Variants in APLF observed in about 807,000 individuals in gnomAD.
APLF encodes the protein aprataxin and PNKP like factor.
Under a neutral mutation model 55.6 loss-of-function variants are expected in APLF, and 61 were observed. The ratio of observed to expected loss-of-function variants is 1.10; its 90% confidence interval spans 0.89 to 1.36. The LOEUF (loss-of-function observed/expected upper bound fraction) is 1.36, where lower values mean the gene tolerates loss of function less well. Among genes scored for constraint, APLF ranks in the 40% most tolerant of loss-of-function variants. The probability of loss-of-function intolerance (pLI) is 0.00; values close to 1 mark genes in which losing one functional copy is unlikely to be tolerated. For synonymous variants in APLF, 207 were observed against 214.8 expected (o/e 0.96, Z 0.32); for missense variants, 611 against 602.5 (o/e 1.01, Z -0.15).
chr2:68,488,797 A>G (rs1472391315), intron 1 of APLF, among the ~76,000 whole-genome samples: 1 of 152,124 alleles, frequency 6.6e-6, no homozygotes, highest in Non-Finnish European at 1.5e-5. Context: ...AGTTCTGTGC[A>G]AATGATGCAA....
chr2:68,484,019 G>A (rs906843889), intron 1 of APLF, among the ~76,000 whole-genome samples: 8 of 152,040 alleles, frequency 5.3e-5, no homozygotes, highest in African/African-American at 1.7e-4. Context: ...TTTATTCAGG[G>A]TTGTTTCTTT....
intron 1 of APLF, among the ~76,000 whole-genome samples, chr2:68,482,251 C>G (rs767948667): frequency 1.3e-5 from 2 of 151,892 alleles, no homozygotes; most frequent in African/African-American, 2.4e-5. Flanking sequence ...CAGGGAAAGA[C>G]CTATTCCTTT....
Position 68,579,039 on chromosome 2 carries a change from G to C in APLF, c.*1017G>C. On this transcript the variant is annotated 3_prime_UTR_variant, in exon 10 of 10. Transcript: ENST00000303795. ...TAGAATCTTTAATAACAGTTGGGTTGTGTACACAGAGCAGGAGATATTTAT... is the reference window on the plus strand; with the variant it reads ...TAGAATCTTTAATAACAGTTGGGTTCTGTACACAGAGCAGGAGATATTTAT... 1.0e-6 allele frequency: 1 copy of C among 984,864 alleles called. No homozygotes were observed. The highest frequency in any genetic ancestry group is 1.2e-6 in the Non-Finnish European group (1 of 829,490). 61.0% of individuals were successfully genotyped at this position (984,864 alleles called of 1,614,324 possible).
chr2:68,470,215 A>G (rs1352461911), intron 1 of APLF, among the ~76,000 whole-genome samples: 5 of 152,256 alleles, frequency 3.3e-5, no homozygotes, highest in Non-Finnish European at 7.3e-5. Flanking sequence ...AAAAGATTAC[A>G]TATTGTGTGA....
chr2:68,522,865 TAA>T (rs1669933834), intron 5 of APLF, among the ~76,000 whole-genome samples: 2 of 151,924 alleles, frequency 1.3e-5, no homozygotes, highest in Admixed American at 6.6e-5. Context: ...TCTATTGAAT[TAA>T]GTCTTAATAT....
chr2:68,467,917 C>T (rs1238231957), intron 1 of APLF, 90 bp downstream of exon 1: 4 of 998,508 alleles, frequency 4.0e-6, no homozygotes. Flanking sequence ...GCCGGTTTCC[C>T]CACCGCACTG....
At chr2:68,513,419 A>T (rs1669467264) in intron 4 of APLF, 129 bp from the exon 5 acceptor site, 2 of 1,287,124 alleles carry the variant, frequency 1.6e-6, no homozygotes, top group Non-Finnish European at 2.1e-6. Context: ...TTCTTTGTTC[A>T]AGAAATTTTA....
intron 5 of APLF, among the ~76,000 whole-genome samples, chr2:68,525,121 C>G (rs1001487158): frequency 3.3e-5 from 5 of 152,086 alleles, no homozygotes; most frequent in African/African-American, 1.2e-4. Flanking sequence ...TGGTGAAACT[C>G]TGTCTCTACT....
chr2:68,490,210 C>T lies in APLF; in HGVS notation c.117C>T (p.Ser39=). 5 of 1,611,104 alleles carry T rather than the reference C, an allele frequency of 3.1e-6. No individual in the cohort carries two copies. Among genetic ancestry groups the T allele is most frequent in the Non-Finnish European group, 4.2e-6 (5 of 1,179,072 alleles). ...PLLGITDKRV[S]RRHAILEVAG... is the part of the protein sequence containing the mutation. ...TATAGATAACAGACAAGAGAGTATC[C>T]AGAAGACATGCCATTCTTGAGGTGG... is the stretch of plus-strand genomic sequence containing the variant. Residue 39 remains serine (S), a synonymous_variant, in exon 2 of 10, where the codon TCC becomes TCT. Coordinates refer to ENST00000303795, the MANE Select transcript of APLF (RefSeq NM_173545.3).
chr2:68,547,512 A>G (rs1267636393), intron 8 of APLF, among the ~76,000 whole-genome samples: 1 of 151,816 alleles, frequency 6.6e-6, no homozygotes, highest in Non-Finnish European at 1.5e-5. Context: ...ATAAAGTAAC[A>G]TGACCAGAAC....
chr2:68,537,192 G>A (rs919136040), intron 6 of APLF, among the ~76,000 whole-genome samples: 3 of 151,704 alleles, frequency 2.0e-5, no homozygotes, highest in Non-Finnish European at 2.9e-5. Flanking sequence ...AAATTATAAG[G>A]ACCGTGCATG....
intron 5 of APLF, among the ~76,000 whole-genome samples, chr2:68,514,206 G>T (rs1397583554): frequency 1.3e-5 from 2 of 151,596 alleles, no homozygotes; most frequent in Non-Finnish European, 3.0e-5. Context: ...ATCATTTGGT[G>T]TATTTTTCTA....
intron 3 of APLF, 139 bp downstream of exon 3, chr2:68,503,042 G>A: frequency 1.2e-6 from 1 of 817,940 alleles, no homozygotes; most frequent in East Asian, 2.9e-5. Context: ...ACGCATGTGT[G>A]TGTGCATGCC....
intron 6 of APLF, among the ~76,000 whole-genome samples, chr2:68,533,354 A>G (rs1670310638): frequency 6.6e-6 from 1 of 152,232 alleles, no homozygotes; most frequent in African/African-American, 2.4e-5. Flanking sequence ...TTATAATCTA[A>G]TGAGAACTCT....
intron 7 of APLF, among the ~76,000 whole-genome samples, chr2:68,543,457 A>C (rs148801266): frequency 6.6e-6 from 1 of 152,316 alleles, no homozygotes; most frequent in East Asian, 1.9e-4. Flanking sequence ...TAACAGTGCT[A>C]AATGTTGGTG....
chr2:68,541,639 G>T (rs575847817), intron 7 of APLF, among the ~76,000 whole-genome samples: 1 of 152,116 alleles, frequency 6.6e-6, no homozygotes, highest in Non-Finnish European at 1.5e-5. Flanking sequence ...TTCATGGGCC[G>T]TACAGTCTTT....
At chr2:68,545,611 G>A (rs1670682916) in intron 8 of APLF, among the ~76,000 whole-genome samples, 1 of 152,108 alleles carries the variant, frequency 6.6e-6, no homozygotes, top group Admixed American at 6.6e-5. Context: ...AATTCACTCT[G>A]TATGTCCTAG....
At chr2:68,514,649 T>C (rs1669527333) in intron 5 of APLF, among the ~76,000 whole-genome samples, 1 of 151,788 alleles carries the variant, frequency 6.6e-6, no homozygotes, top group Non-Finnish European at 1.5e-5. Context: ...TGTGGCTGCC[T>C]TCCCTCCAGG....
At position 68,526,174 on chromosome 2, in the gene APLF, T is replaced by C. The variant is rs376442668; in HGVS notation, c.736T>C (p.Ser246Pro). ...LISSGSSENT[S>P]AEQDTGEECK... ...TTCATCAGGAAGTTCAGAAAATACA[T>C]CAGCAGAACAAGACACAGGAGAAGA... Residue 246 changes from serine (S) to proline (P), a missense_variant, in exon 6 of 10, where the codon TCA becomes CCA. Transcript: ENST00000303795. The C allele has an allele frequency of 1.9e-6, 3 of 1,613,986 alleles. No homozygotes were observed. The highest frequency in any genetic ancestry group is 2.5e-6 in the Non-Finnish European group (3 of 1,179,962).
Sources: gnomAD v4.1 joint callset for allele counts (sites outside exome capture counted in the v4.1 genomes callset) on GRCh38, gnomAD v4.1.1 for gene constraint, MANE v1.5 for transcripts, NCBI Gene and HGNC (gene_info 2026-07-23, HGNC 2026-07-21) for gene names.